FAM193A: variants seen among roughly 807,000 people sequenced by gnomAD.
FAM193A encodes protein FAM193A.
Under a neutral mutation model 126.5 loss-of-function variants are expected in FAM193A, and 22 were observed. The ratio of observed to expected loss-of-function variants is 0.17; its 90% CI spans 0.12 to 0.25. The LOEUF is 0.25. Ranked by LOEUF, FAM193A falls within the 10% of genes least tolerant of loss-of-function variation. The pLI, the probability that FAM193A is intolerant of heterozygous loss-of-function variation, is 1.00. For missense variants in FAM193A, 1,675 were observed against 1,672.8 expected, an observed-to-expected ratio of 1.00 and a Z score of -0.02; for synonymous variants, 761 against 646.8, an observed-to-expected ratio of 1.18 and a Z score of -2.68.
intron 10 of FAM193A, among the ~76,000 whole-genome samples, chr4:2,661,143 G>T (rs1354944375): frequency 1.3e-5 from 2 of 152,154 alleles, no homozygotes; most frequent in Non-Finnish European, 2.9e-5. Context: ...TTGGCTGTGG[G>T]AGCCTTTCTC....
chr4:2,700,782 G>T (rs1036739672), intron 19 of FAM193A, among the ~76,000 whole-genome samples: 5 of 149,802 alleles, frequency 3.3e-5, no homozygotes, highest in African/African-American at 1.2e-4. Flanking sequence ...CCAACATGCT[G>T]AAACCCTGTC....
chr4:2,662,881 G>T lies in FAM193A; in HGVS notation c.1789G>T (p.Ala597Ser), dbSNP rs753593516. ...EDVAPLSAKF[A>S]DIYPLSNYDD... ...TGTTGCACCATTGTCAGCCAAATTTGCTGATATTTATCCATTGAGTAATTA... is the reference window on the plus strand; with the variant it reads ...TGTTGCACCATTGTCAGCCAAATTTTCTGATATTTATCCATTGAGTAATTA... Residue 597 changes from alanine to serine, a missense_variant, in exon 11 of 21, where the codon GCT becomes TCT. Ala to Ser is a moderately conservative substitution (Grantham distance 99). This residue lies in a region of FAM193A where 1,186 missense variants were observed against 1,109.2 expected (regional missense o/e 1.07). Coordinates refer to ENST00000637812, the MANE Select transcript of FAM193A (RefSeq NM_001366318.2). 1.4e-5 allele frequency: 23 copies of T among 1,611,908 alleles called. No individual in the cohort carries two copies. Among genetic ancestry groups the T allele is most frequent in the Non-Finnish European group, 2.0e-5 (23 of 1,178,218 alleles).
chr4:2,622,807 AC>A (rs1368153567), intron 2 of FAM193A, among the ~76,000 whole-genome samples: 5 of 151,694 alleles, frequency 3.3e-5, no homozygotes, highest in Admixed American at 6.6e-5. Flanking sequence ...GAAGACTCCG[AC>A]CTCATGACCT....
chr4:2,591,517 G>A (rs1277441569), intron 1 of FAM193A, among the ~76,000 whole-genome samples: 1 of 152,142 alleles, frequency 6.6e-6, no homozygotes, highest in Non-Finnish European at 1.5e-5. Flanking sequence ...TCACCAGCAC[G>A]GGGCCTTTGT....
At chr4:2,721,001 C>G (rs139688167) in intron 20 of FAM193A, among the ~76,000 whole-genome samples, 3 of 152,046 alleles carry the variant, frequency 2.0e-5, no homozygotes, top group Non-Finnish European at 2.9e-5. Flanking sequence ...GACCACAACT[C>G]TACAAGAAAA....
At chr4:2,685,745 A>T (rs78486415) in intron 13 of FAM193A, among the ~76,000 whole-genome samples, 421 of 152,308 alleles carry the variant, frequency 2.8e-3, no homozygotes, top group African/African-American at 7.7e-3. Flanking sequence ...TCTTGCACCC[A>T]TGTTCCATGT....
At chr4:2,711,798 G>T (rs1361184351) in intron 19 of FAM193A, among the ~76,000 whole-genome samples, 1 of 151,986 alleles carries the variant, frequency 6.6e-6, no homozygotes, top group Non-Finnish European at 1.5e-5. Context: ...GTGGTGGCAC[G>T]TGCCTGTAGT....
chr4:2,655,346 G>A (rs1711544146), intron 7 of FAM193A, among the ~76,000 whole-genome samples: 1 of 152,092 alleles, frequency 6.6e-6, no homozygotes, highest in Admixed American at 6.5e-5. Context: ...TTGCGTTCCT[G>A]GGATGAAACC....
At chr4:2,608,054 T>G in intron 2 of FAM193A, 1 of 1,608,904 alleles carries the variant, frequency 6.2e-7, no homozygotes, top group Non-Finnish European at 8.5e-7. Flanking sequence ...CAGCATAAAT[T>G]GCAGAGTGTA....
At chr4:2,553,969 C>T (rs1738104192) in intron 1 of FAM193A, among the ~76,000 whole-genome samples, 1 of 152,118 alleles carries the variant, frequency 6.6e-6, no homozygotes, top group African/African-American at 2.4e-5. Flanking sequence ...GAGGCCTCCC[C>T]AGGCATGTGG....
intron 5 of FAM193A, among the ~76,000 whole-genome samples, chr4:2,638,690 C>T (rs1184698719): frequency 6.6e-6 from 1 of 152,178 alleles, no homozygotes; most frequent in East Asian, 1.9e-4. Context: ...TGTGCTCTCT[C>T]CAAATGTGTT....
intron 1 of FAM193A, among the ~76,000 whole-genome samples, chr4:2,595,058 T>C (rs1188341959): frequency 9.2e-5 from 14 of 151,726 alleles, no homozygotes; most frequent in African/African-American, 2.9e-4. Flanking sequence ...TTCTTTCTTT[T>C]TTTTTTTTGA....
intron 7 of FAM193A, among the ~76,000 whole-genome samples, chr4:2,653,470 A>T (rs1191086669): frequency 1.3e-5 from 2 of 152,102 alleles, no homozygotes; most frequent in African/African-American, 4.8e-5. Flanking sequence ...TTTTAGACAG[A>T]GTCTCTCTCT....
chr4:2,696,797 G>A (rs4690086), intron 18 of FAM193A, among the ~76,000 whole-genome samples: 51,411 of 152,068 alleles, frequency 0.34, 10,285 homozygotes, highest in Admixed American at 0.53. Flanking sequence ...TTGTGTTTTC[G>A]GGAAATTACT....
At chr4:2,661,922 G>T (rs933482064) in intron 10 of FAM193A, among the ~76,000 whole-genome samples, 2 of 152,192 alleles carry the variant, frequency 1.3e-5, no homozygotes, top group Non-Finnish European at 2.9e-5. Context: ...AGTGGCTGAT[G>T]CCTGTAATCC....
intron 20 of FAM193A, among the ~76,000 whole-genome samples, chr4:2,726,639 T>C (rs1344393299): frequency 3.1e-4 from 47 of 151,870 alleles, no homozygotes; most frequent in Admixed American, 3.1e-3. Flanking sequence ...CTCCTTAAAT[T>C]TGTGACCAAG....
intron 5 of FAM193A, among the ~76,000 whole-genome samples, chr4:2,632,678 A>AGGGTGAG (rs1743710080): frequency 2.8e-5 from 1 of 35,866 alleles, no homozygotes; most frequent in African/African-American, 1.1e-4. Flanking sequence ...GTGAATGGGT[A>AGGGTGAG]GGGTGAGGGG....
chr4:2,719,554 T>G (rs1719891125), intron 20 of FAM193A, among the ~76,000 whole-genome samples: 1 of 152,092 alleles, frequency 6.6e-6, no homozygotes, highest in South Asian at 2.1e-4. Flanking sequence ...GAGATCAGCC[T>G]GACCAACATG....
At position 2,631,144 on chromosome 4, in the gene FAM193A, C is replaced by T. The variant is rs1743535968; in HGVS notation, c.1013C>T (p.Ser338Phe). ...EYGALCQAAR[S>F]ISTFLGTLEN... ...GGCGCCCTCTGCCAGGCCGCACGCT[C>T]CATCAGCACCTTCCTTGGCACTCTG... Residue 338 changes from serine to phenylalanine, a missense_variant, in exon 5 of 21, where the codon TCC (serine) becomes TTC (phenylalanine). This residue lies in a region of FAM193A where 1,186 missense variants were observed against 1,109.2 expected (regional missense o/e 1.07). Coordinates refer to ENST00000637812, the MANE Select transcript of FAM193A (RefSeq NM_001366318.2). 1 of 1,611,678 alleles carries T rather than the reference C, an allele frequency of 6.2e-7. No homozygotes were observed. The highest frequency in any genetic ancestry group is 1.3e-5 in the African/African-American group (1 of 74,854).
Sources: allele counts gnomAD v4.1 joint callset (sites outside exome capture counted in the v4.1 genomes callset), GRCh38; gene constraint gnomAD v4.1.1; regional missense constraint gnomAD v4.1.1; transcripts MANE v1.5; gene names NCBI Gene and HGNC (gene_info 2026-07-23, HGNC 2026-07-21).